Variants in SGCZ observed in about 807,000 individuals in gnomAD.
SGCZ encodes sarcoglycan zeta.
In SGCZ, 40 loss-of-function variants were observed where a neutral mutation model predicts 41.3. The observed-to-expected ratio is 0.97, with a 90% CI of 0.75 to 1.26. SGCZ has a LOEUF of 1.26. Among genes scored for constraint, SGCZ ranks in the 50% most tolerant of loss-of-function variants. SGCZ has a pLI of 0.00. For missense variants in SGCZ, 552 were observed against 369.8 expected (o/e 1.49, Z -4.04); for synonymous variants, 206 against 137.5 (o/e 1.50, Z -3.49).
At chr8:15,160,490 T>A (rs76934454) in intron 1 of SGCZ, among the ~76,000 whole-genome samples, 9 of 152,064 alleles carry the variant, frequency 5.9e-5, no homozygotes, top group Non-Finnish European at 8.8e-5. Context: ...AGTCCACTAG[T>A]GTAGATGGAC....
chr8:14,690,902 T>C (rs901026070), intron 1 of SGCZ, among the ~76,000 whole-genome samples: 8 of 152,186 alleles, frequency 5.3e-5, no homozygotes, highest in Admixed American at 3.9e-4. Flanking sequence ...TTGTGAAATA[T>C]AAAGTCATGT....
At chr8:14,180,802 C>G (rs2117022213) in intron 4 of SGCZ, among the ~76,000 whole-genome samples, 1 of 152,060 alleles carries the variant, frequency 6.6e-6, no homozygotes, top group Middle Eastern at 3.4e-3. Context: ...CTCCTGAGAA[C>G]ACCAATGGAT....
chr8:14,250,586 T>C (rs951114132), intron 3 of SGCZ, among the ~76,000 whole-genome samples: 2 of 152,110 alleles, frequency 1.3e-5, no homozygotes, highest in Non-Finnish European at 1.5e-5. Flanking sequence ...ATGAAAAGAA[T>C]AGGGGTCTCC....
At chr8:14,319,434 A>T (rs1162639597) in intron 3 of SGCZ, 1 of 152,076 alleles carries the variant, frequency 6.6e-6, no homozygotes, top group African/African-American at 2.4e-5. Context: ...GAATGATTTC[A>T]AGGATTAAAA....
intron 1 of SGCZ, among the ~76,000 whole-genome samples, chr8:15,141,583 G>T (rs1022879009): frequency 1.3e-5 from 2 of 152,176 alleles, no homozygotes; most frequent in Non-Finnish European, 2.9e-5. Flanking sequence ...TTCCTTAGAA[G>T]GCTCTGCCCA....
At chr8:14,782,299 C>T (rs1335513283) in intron 1 of SGCZ, among the ~76,000 whole-genome samples, 3 of 152,134 alleles carry the variant, frequency 2.0e-5, no homozygotes, top group South Asian at 4.1e-4. Flanking sequence ...GATTTCAATA[C>T]AGTGTACTTT....
chr8:14,368,027 C>A (rs1288337374), intron 2 of SGCZ, among the ~76,000 whole-genome samples: 1 of 152,016 alleles, frequency 6.6e-6, no homozygotes, highest in African/African-American at 2.4e-5. Flanking sequence ...ATTCACAAAA[C>A]AGAAAGGTAG....
chr8:14,707,710 A>G (rs1809377882), intron 1 of SGCZ, among the ~76,000 whole-genome samples: 1 of 152,186 alleles, frequency 6.6e-6, no homozygotes, highest in Non-Finnish European at 1.5e-5. Flanking sequence ...GAGAGCAAAT[A>G]AAAATGAACA....
chr8:14,416,745 T>C (rs938102482), intron 2 of SGCZ, among the ~76,000 whole-genome samples: 2 of 151,916 alleles, frequency 1.3e-5, no homozygotes, highest in Admixed American at 6.6e-5. Flanking sequence ...CTCTGCTAGC[T>C]TGCAGATCTT....
At chr8:14,190,558 A>T (rs941330566) in intron 4 of SGCZ, among the ~76,000 whole-genome samples, 1 of 152,106 alleles carries the variant, frequency 6.6e-6, no homozygotes, top group Admixed American at 6.6e-5. Flanking sequence ...TTGGATATGT[A>T]CACAGAAGAG....
chr8:15,023,882 G>T (rs1803350044), intron 1 of SGCZ, among the ~76,000 whole-genome samples: 1 of 152,048 alleles, frequency 6.6e-6, no homozygotes, highest in African/African-American at 2.4e-5. Flanking sequence ...GTTTATTCTG[G>T]TTACTTCTCT....
At chr8:14,574,981 A>C (rs1361394710) in intron 1 of SGCZ, among the ~76,000 whole-genome samples, 1 of 152,206 alleles carries the variant, frequency 6.6e-6, no homozygotes, top group East Asian at 1.9e-4. Context: ...GGTTTTCATT[A>C]AAAGAGGATG....
intron 3 of SGCZ, among the ~76,000 whole-genome samples, chr8:14,295,948 C>G (rs745468188): frequency 1.5e-4 from 23 of 152,124 alleles, no homozygotes; most frequent in Non-Finnish European, 3.4e-4. Flanking sequence ...GGCCAGTGCT[C>G]TGCAAAGGCT....
At chr8:14,685,065 T>C (rs1344343720) in intron 1 of SGCZ, among the ~76,000 whole-genome samples, 2 of 150,806 alleles carry the variant, frequency 1.3e-5, no homozygotes, top group Non-Finnish European at 1.5e-5. Context: ...CTTCAGCCTC[T>C]TGACTGTACC....
At chr8:15,203,288 G>A (rs371290802) in intron 1 of SGCZ, among the ~76,000 whole-genome samples, 11 of 152,074 alleles carry the variant, frequency 7.2e-5, no homozygotes, top group African/African-American at 2.4e-4. Context: ...GTTTCTAAAC[G>A]GTCTTTTGCC....
chr8:15,136,539 C>T (rs1808112152), intron 1 of SGCZ, among the ~76,000 whole-genome samples: 1 of 152,062 alleles, frequency 6.6e-6, no homozygotes, highest in Non-Finnish European at 1.5e-5. Context: ...ATCCCATAAT[C>T]CTCAGGTGTC....
intron 1 of SGCZ, among the ~76,000 whole-genome samples, chr8:14,634,265 A>T (rs1806754687): frequency 6.6e-6 from 1 of 151,866 alleles, no homozygotes; most frequent in Non-Finnish European, 1.5e-5. Flanking sequence ...TAAATTTTGA[A>T]TTGGGGGGAA....
chr8:14,357,893 T>C (rs920703231), intron 2 of SGCZ, among the ~76,000 whole-genome samples: 1 of 152,176 alleles, frequency 6.6e-6, no homozygotes, highest in African/African-American at 2.4e-5. Flanking sequence ...TGACTAATAA[T>C]CAGCTAAATG....
intron 1 of SGCZ, among the ~76,000 whole-genome samples, chr8:15,068,999 C>A (rs1394152591): frequency 6.6e-6 from 1 of 152,238 alleles, no homozygotes; most frequent in East Asian, 1.9e-4. Flanking sequence ...AAAAGCTGAT[C>A]GCCAAAAAAT....
Sources: allele counts gnomAD v4.1 joint callset (sites outside exome capture counted in the v4.1 genomes callset), GRCh38; gene constraint gnomAD v4.1.1; transcripts MANE v1.5; gene names NCBI Gene and HGNC (gene_info 2026-07-23, HGNC 2026-07-21).